Variants in GHR observed in about 807,000 individuals in gnomAD.
GHR encodes the protein growth hormone receptor.
Under a neutral mutation model 67.1 loss-of-function variants are expected in GHR, and 35 were observed. That is an observed-to-expected ratio of 0.52 (90% CI 0.40 to 0.69). GHR has a LOEUF of 0.69. Ranked by LOEUF, GHR falls within the 30% of genes least tolerant of loss-of-function variation. The probability of loss-of-function intolerance (pLI) is 0.00; values close to 1 mark genes in which losing one functional copy is unlikely to be tolerated. For synonymous variants in GHR, 272 were observed against 269.1 expected, an observed-to-expected ratio of 1.01 and a Z score of -0.10; for missense variants, 792 against 764.6, an observed-to-expected ratio of 1.04 and a Z score of -0.42.
chr5:42,571,290 C>T (rs1342794106), intron 2 of GHR, among the ~76,000 whole-genome samples: 2 of 152,150 alleles, frequency 1.3e-5, no homozygotes, highest in African/African-American at 4.8e-5. Flanking sequence ...TACCCTGGGT[C>T]CTGCAGCTGT....
chr5:42,664,517 G>A (rs1257206545), intron 3 of GHR, among the ~76,000 whole-genome samples: 2 of 152,186 alleles, frequency 1.3e-5, no homozygotes, highest in African/African-American at 4.8e-5. Flanking sequence ...TTAATAAATG[G>A]TGCTGGGAAA....
chr5:42,641,883 G>T (rs1022590789), intron 3 of GHR, among the ~76,000 whole-genome samples: 4 of 152,084 alleles, frequency 2.6e-5, no homozygotes, highest in Non-Finnish European at 4.4e-5. Context: ...TGCTTCTTGA[G>T]GTTTTTAAAG....
chr5:42,655,243 A>T (rs1429058326), intron 3 of GHR, among the ~76,000 whole-genome samples: 4 of 152,080 alleles, frequency 2.6e-5, no homozygotes, highest in African/African-American at 9.7e-5. Context: ...TGACGGGCAG[A>T]TGCTGCTCCT....
chr5:42,640,650 G>A lies in GHR; in HGVS notation c.136+11547G>A, dbSNP rs557949037. 5.3e-5 allele frequency among the ~76,000 whole-genome samples: 8 copies of A among 151,798 alleles called. No homozygotes were observed. In the South Asian group the frequency reaches 1.7e-3, roughly 32 times the overall value. On this transcript the variant is annotated intron_variant, in intron 3 of 9. Transcript: ENST00000230882. ...CGTATTTTGTATTTGAATAGTTTAT[G>A]TTTCAAATCCCAGAGAAGGCCTATA...
At chr5:42,680,895 C>A (rs143272771) in intron 3 of GHR, among the ~76,000 whole-genome samples, 32 of 151,924 alleles carry the variant, frequency 2.1e-4, no homozygotes, top group Admixed American at 4.6e-4. Context: ...ATGTGCACAA[C>A]GTGCAGATTT....
At chr5:42,591,885 G>A (rs1210308911) in intron 2 of GHR, among the ~76,000 whole-genome samples, 1 of 152,152 alleles carries the variant, frequency 6.6e-6, no homozygotes, top group African/African-American at 2.4e-5. Context: ...AACTCTCTCA[G>A]GGGTATGTGC....
intron 2 of GHR, among the ~76,000 whole-genome samples, chr5:42,584,927 G>C (rs1437738153): frequency 6.6e-6 from 1 of 152,112 alleles, no homozygotes; most frequent in Non-Finnish European, 1.5e-5. Flanking sequence ...TGCATGACTG[G>C]TAAAGAGCGG....
At chr5:42,532,560 G>A (rs1055467920) in intron 1 of GHR, among the ~76,000 whole-genome samples, 1 of 151,944 alleles carries the variant, frequency 6.6e-6, no homozygotes, top group Non-Finnish European at 1.5e-5. Context: ...TATTTTCTCT[G>A]CCACCCCAGA....
chr5:42,692,753 A>G (rs1757477342), intron 4 of GHR, among the ~76,000 whole-genome samples: 1 of 152,208 alleles, frequency 6.6e-6, no homozygotes, highest in Non-Finnish European at 1.5e-5. Flanking sequence ...ATCATGAAAG[A>G]GCTAATCTTT....
chr5:42,563,742 A>C (rs945083537), intron 1 of GHR, among the ~76,000 whole-genome samples: 1 of 152,032 alleles, frequency 6.6e-6, no homozygotes, highest in Non-Finnish European at 1.5e-5. Flanking sequence ...TGGGAGGCGG[A>C]AGTTGCAGTG....
intron 3 of GHR, among the ~76,000 whole-genome samples, chr5:42,634,198 A>T (rs1209871747): frequency 6.6e-6 from 1 of 152,096 alleles, no homozygotes; most frequent in Non-Finnish European, 1.5e-5. Flanking sequence ...GAGAATTATA[A>T]GTGTTGATAT....
intron 1 of GHR, chr5:42,467,370 A>T (rs7702407): frequency 1.0e-6 from 1 of 963,510 alleles, no homozygotes; most frequent in Admixed American, 1.7e-5. Flanking sequence ...CTTTGCCAGA[A>T]TCGTTACAGG....
At chr5:42,592,995 A>T (rs1751869705) in intron 2 of GHR, among the ~76,000 whole-genome samples, 1 of 152,142 alleles carries the variant, frequency 6.6e-6, no homozygotes, top group African/African-American at 2.4e-5. Context: ...GTGAATAGTG[A>T]TCGTGAGTAT....
chr5:42,437,571 C>T (rs558730301), intron 1 of GHR, among the ~76,000 whole-genome samples: 86 of 145,980 alleles, frequency 5.9e-4, no homozygotes, highest in Admixed American at 2.0e-3. Context: ...TTATTTGAAA[C>T]GAAATCTTGC....
intron 2 of GHR, among the ~76,000 whole-genome samples, chr5:42,592,666 A>C (rs1398896872): frequency 6.6e-6 from 1 of 152,188 alleles, no homozygotes; most frequent in Admixed American, 6.5e-5. Flanking sequence ...TCTACTGTCA[A>C]TGGGCATTTA....
At chr5:42,627,695 C>A (rs1341003959) in intron 2 of GHR, among the ~76,000 whole-genome samples, 1 of 152,212 alleles carries the variant, frequency 6.6e-6, no homozygotes, top group Non-Finnish European at 1.5e-5. Flanking sequence ...GGGGCAAGTG[C>A]CTTGGCCCCT....
chr5:42,466,099 G>A, intron 1 of GHR: 1 of 334,134 alleles, frequency 3.0e-6, no homozygotes. Flanking sequence ...TTACCCAAAT[G>A]GAATGCAATG....
intron 3 of GHR, among the ~76,000 whole-genome samples, chr5:42,685,670 T>C (rs986732545): frequency 1.6e-4 from 24 of 152,236 alleles, no homozygotes; most frequent in African/African-American, 5.8e-4. Flanking sequence ...ATTGTGGTTT[T>C]GATTTGCATT....
intron 1 of GHR, among the ~76,000 whole-genome samples, chr5:42,476,548 A>G (rs900518950): frequency 6.6e-6 from 1 of 152,220 alleles, no homozygotes; most frequent in African/African-American, 2.4e-5. Flanking sequence ...GCAAATTCTT[A>G]AAAATAATGC....
Sources: allele counts gnomAD v4.1 joint callset (sites outside exome capture counted in the v4.1 genomes callset), GRCh38; gene constraint gnomAD v4.1.1; transcripts MANE v1.5; gene names NCBI Gene and HGNC (gene_info 2026-07-23, HGNC 2026-07-21).